CAMKK1: variants seen among roughly 807,000 people sequenced by gnomAD.
CAMKK1 encodes the protein calcium/calmodulin-dependent protein kinase kinase 1.
A neutral mutation model predicts 63.5 loss-of-function variants in CAMKK1; 20 were observed. The ratio of observed to expected loss-of-function variants is 0.32; its 90% confidence interval spans 0.22 to 0.46. CAMKK1 has a LOEUF of 0.46. CAMKK1 is among the 20% of genes least tolerant of loss of function. The probability of loss-of-function intolerance (pLI) is 1.00; values close to 1 mark genes in which losing one functional copy is unlikely to be tolerated. For synonymous variants in CAMKK1, 253 were observed against 269.0 expected, an observed-to-expected ratio of 0.94 and a Z score of 0.58; for missense variants, 588 against 658.1, an observed-to-expected ratio of 0.89 and a Z score of 1.17.
rs1390112954 is a variant in CAMKK1, at chr17:3,890,057, A to G, written c.-44+2882T>C. ...CGTGACCAGCAGAGGACCGAACAGA[A>G]GGGAAAGCCGCAGAGGTGGCGGCCA... On this transcript the variant is annotated intron_variant, in intron 1 of 15. Coordinates refer to ENST00000348335, the MANE Select transcript of CAMKK1 (RefSeq NM_032294.3). This position sits in a 1 kb window ranked among gnomAD's most constrained non-coding sequence, Gnocchi z 6.5. Among the ~76,000 whole-genome samples, 1 of 152,218 alleles carries G rather than the reference A, an allele frequency of 6.6e-6. No individual in the cohort carries two copies. The highest frequency in any genetic ancestry group is 2.4e-5 in the African/African-American group (1 of 41,448).
intron 14 of CAMKK1, among the ~76,000 whole-genome samples, chr17:3,869,131 G>A (rs1415805322): frequency 1.3e-5 from 2 of 150,940 alleles, no homozygotes; most frequent in African/African-American, 2.4e-5. Context: ...ACCACGCCCA[G>A]CTAATTTTCT....
chr17:3,881,726 G>A (rs1360125306), intron 7 of CAMKK1, 78 bp from the exon 8 acceptor site: 14 of 1,337,694 alleles, frequency 1.0e-5, no homozygotes, highest in Non-Finnish European at 1.5e-5. Context: ...TGTTCTGGAG[G>A]GTAGGAGAGG....
At chr17:3,866,114 G>A (rs1402451274) in intron 14 of CAMKK1, 103 bp from the exon 15 acceptor site, 4 of 1,346,800 alleles carry the variant, frequency 3.0e-6, no homozygotes, top group Middle Eastern at 4.9e-4. Context: ...GCCGCAGTGC[G>A]GGTCCCATCT....
At chr17:3,881,530 T>A (rs1353388993) in intron 8 of CAMKK1, 97 bp downstream of exon 8, 4 of 1,238,810 alleles carry the variant, frequency 3.2e-6, no homozygotes, top group Non-Finnish European at 3.5e-6. Flanking sequence ...CTCTGACTTC[T>A]CCTAGAGTAG....
rs1191928626 is a variant in CAMKK1 at position 3,862,507 on chromosome 17, A to G, written c.1446-224T>C. Among the ~76,000 whole-genome samples, 1 of 151,898 alleles carries G rather than the reference A, an allele frequency of 6.6e-6. No individual in the cohort carries two copies. The highest frequency in any genetic ancestry group is 6.6e-5 in the Admixed American group (1 of 15,248). ...GCCCGCAACGCCTCCGTGGCCCCCCATTGACCAGAGATGAAGTCTAAACCT... is the reference window on the plus strand; with the variant it reads ...GCCCGCAACGCCTCCGTGGCCCCCCGTTGACCAGAGATGAAGTCTAAACCT... On this transcript the variant is annotated intron_variant, in intron 15 of 15. Coordinates refer to ENST00000348335, the MANE Select transcript of CAMKK1 (RefSeq NM_032294.3). This position sits in a 1 kb window ranked among gnomAD's most constrained non-coding sequence, Gnocchi z 4.1.
rs535284216 is a variant in CAMKK1, at chr17:3,866,418, C to T, written c.1342-407G>A. ...GCCAAGATGCTACTGCAGGGCGGCC[C>T]GGGAAGCGGCTGAGCCGCAGCCGGT... On this transcript the variant is annotated intron_variant, in intron 14 of 15. Coordinates refer to ENST00000348335, the MANE Select transcript of CAMKK1 (RefSeq NM_032294.3). Among the ~76,000 whole-genome samples the T allele has an allele frequency of 6.4e-4, 97 of 152,380 alleles. 1 individual carries two copies. The highest frequency in any genetic ancestry group is 7.9e-4 in the Non-Finnish European group (54 of 68,034).
chr17:3,867,160 G>T (rs2054561700), intron 14 of CAMKK1, among the ~76,000 whole-genome samples: 1 of 152,246 alleles, frequency 6.6e-6, no homozygotes, highest in Non-Finnish European at 1.5e-5. Flanking sequence ...GGAGGCTGAA[G>T]CTACAGGGTC....
Position 3,882,034 on chromosome 17 carries a change from G to C in CAMKK1, c.686-386C>G, listed in dbSNP as rs2055429380. 5.7e-6 allele frequency: 3 copies of C among 529,284 alleles called. No homozygotes were observed. Among genetic ancestry groups the C allele is most frequent in the Admixed American group, 3.5e-5 (1 of 28,376 alleles). The allele number at this position is 529,284 out of a possible 1,614,324, so 32.8% of individuals were successfully genotyped here. ...GTTCTTCTTCTGCCCCATTTTCTGA[G>C]GCCTCCTCTAAGCCCAGCCCTGAAC... On this transcript the variant is annotated intron_variant, in intron 7 of 15. Coordinates refer to ENST00000348335, the MANE Select transcript of CAMKK1 (RefSeq NM_032294.3). This position sits in a 1 kb window ranked among gnomAD's most constrained non-coding sequence, Gnocchi z 4.3.
chr17:3,891,128 T>C (rs2055887234), intron 1 of CAMKK1, among the ~76,000 whole-genome samples: 1 of 147,584 alleles, frequency 6.8e-6, no homozygotes, highest in Non-Finnish European at 1.5e-5. Context: ...GGTCACAGGC[T>C]AGGGAGCAGC....
intron 15 of CAMKK1, 126 bp downstream of exon 15, chr17:3,865,782 C>T (rs1475308535): frequency 1.5e-5 from 22 of 1,494,414 alleles, no homozygotes; most frequent in East Asian, 7.3e-5. Context: ...GGGCCAACAC[C>T]GAGACCTGGC....
In CAMKK1 at chr17:3,884,439, G is replaced by A. The variant is rs1336755700; in HGVS notation, c.361-12C>T. 4 of 1,612,648 alleles carry A rather than the reference G, an allele frequency of 2.5e-6. No homozygotes were observed. The highest frequency in any genetic ancestry group is 1.3e-5 in the African/African-American group (1 of 75,024). On this transcript the variant is annotated splice_polypyrimidine_tract_variant and intron_variant, in intron 2 of 15. Coordinates refer to ENST00000348335, the MANE Select transcript of CAMKK1 (RefSeq NM_032294.3). This position sits in a 1 kb window ranked among gnomAD's most constrained non-coding sequence, Gnocchi z 4.5. ...AGCTGCACGCAGTCCTGTGGGGGAA[G>A]AGCGAGCACCAGGTGGAGCTGGGTC...
In CAMKK1 at chr17:3,883,336, A is replaced by T; in HGVS notation, c.514+93T>A. On this transcript the variant is annotated intron_variant, in intron 5 of 15. Coordinates refer to ENST00000348335, the MANE Select transcript of CAMKK1 (RefSeq NM_032294.3). This position sits in a 1 kb window ranked among gnomAD's most constrained non-coding sequence, Gnocchi z 4.7. ...CTCTGCTCACGCTGTCTCCCTCTCT[A>T]CCCCATTCCTAGCCAAAACTAGCTC... The T allele has an allele frequency of 6.7e-7, 1 of 1,488,948 alleles. No homozygotes were observed. The highest frequency in any genetic ancestry group is 9.4e-7 in the Non-Finnish European group (1 of 1,068,204). 92.2% of individuals were successfully genotyped at this position (1,488,948 alleles called of 1,614,324 possible).
intron 1 of CAMKK1, among the ~76,000 whole-genome samples, chr17:3,888,397 C>T (rs2055750151): frequency 6.6e-6 from 1 of 152,222 alleles, no homozygotes; most frequent in Non-Finnish European, 1.5e-5. Flanking sequence ...AGCCCTGTTA[C>T]CCGGTTTGGC....
intron 15 of CAMKK1, among the ~76,000 whole-genome samples, chr17:3,863,825 A>G (rs948597679): frequency 2.6e-5 from 4 of 152,224 alleles, no homozygotes; most frequent in Admixed American, 2.0e-4. Context: ...GGTACAAACT[A>G]GACACTAAAT....
chr17:3,869,336 T>C lies in CAMKK1; in HGVS notation c.1341+151A>G, dbSNP rs186777623. 73 of 1,032,552 alleles carry C rather than the reference T, an allele frequency of 7.1e-5. No homozygotes were observed. In the Admixed American group the frequency reaches 8.6e-4, roughly 12 times the overall value. The allele number at this position is 1,032,552 out of a possible 1,614,324, so 64.0% of individuals were successfully genotyped here. On this transcript the variant is annotated intron_variant, in intron 14 of 15. Coordinates refer to ENST00000348335, the MANE Select transcript of CAMKK1 (RefSeq NM_032294.3). Reference sequence around the variant, plus strand: ...CCCGACCACAAGACCTCCCTCTCCATGGGCCTCCAGCAGAATGGCGGCTCC... The same window carrying C: ...CCCGACCACAAGACCTCCCTCTCCACGGGCCTCCAGCAGAATGGCGGCTCC...
intron 12 of CAMKK1, 42 bp from the exon 13 acceptor site, chr17:3,869,930 T>C (rs1441757067): frequency 4.7e-6 from 7 of 1,476,900 alleles, no homozygotes; most frequent in Non-Finnish European, 2.8e-6. Context: ...GGACCGCTGA[T>C]GAGGACCCCT....
Position 3,861,813 on chromosome 17 carries a change from C to T in CAMKK1, c.*398G>A. Reference sequence around the variant, plus strand: ...GGCAGCTGAGCCAGGCCTGCCCGGCCCCAGCGGGAGGTCTCTTCCGTTGTG... The same window carrying T: ...GGCAGCTGAGCCAGGCCTGCCCGGCTCCAGCGGGAGGTCTCTTCCGTTGTG... On this transcript the variant is annotated 3_prime_UTR_variant, in exon 16 of 16. Coordinates refer to ENST00000348335, the MANE Select transcript of CAMKK1 (RefSeq NM_032294.3). The T allele has an allele frequency of 8.3e-6, 2 of 241,012 alleles. No individual in the cohort carries two copies. The highest frequency in any genetic ancestry group is 8.3e-6 in the Non-Finnish European group (1 of 120,016). 14.9% of individuals were successfully genotyped at this position (241,012 alleles called of 1,614,324 possible). A position where few individuals can be genotyped will look rare whatever the true frequency, so the allele number is the denominator to read the frequency against.
rs113704424 is a variant in CAMKK1 at position 3,882,607 on chromosome 17, G to A, written c.649-43C>T. On this transcript the variant is annotated intron_variant, in intron 6 of 15. Transcript: ENST00000348335. This position sits in a 1 kb window ranked among gnomAD's most constrained non-coding sequence, Gnocchi z 4.3. ...ACATGGGGGTGGGGCTTGAGGAGGCGTGGGGTTGGAGGTCCCAGGCCTCCT... is the reference window on the plus strand; with the variant it reads ...ACATGGGGGTGGGGCTTGAGGAGGCATGGGGTTGGAGGTCCCAGGCCTCCT... 0.024 allele frequency: 37,875 copies of A among 1,564,220 alleles called. 2,679 individuals carry two copies. In the African/African-American group the frequency reaches 0.26, roughly 11 times the overall value.
intron 15 of CAMKK1, 135 bp downstream of exon 15, chr17:3,865,773 G>A (rs1369360226): frequency 7.5e-6 from 11 of 1,475,326 alleles, no homozygotes; most frequent in East Asian, 4.9e-5. Context: ...ATGCAAATGG[G>A]GCCAACACCG....
Sources: allele counts gnomAD v4.1 joint callset (sites outside exome capture counted in the v4.1 genomes callset), GRCh38; gene constraint gnomAD v4.1.1; non-coding constraint Gnocchi (gnomAD v3.1); transcripts MANE v1.5; gene names NCBI Gene and HGNC (gene_info 2026-07-23, HGNC 2026-07-21).